Variants in CBR3 observed in about 807,000 individuals in gnomAD.
CBR3 encodes the protein carbonyl reductase [NADPH] 3.
Under a neutral mutation model 11.6 loss-of-function variants are expected in CBR3, and 14 were observed. That is an observed-to-expected ratio of 1.20 (90% CI 0.79 to 1.88). The LOEUF (loss-of-function observed/expected upper bound fraction) is 1.88, where lower values mean the gene tolerates loss of function less well. Among genes scored for constraint, CBR3 ranks in the 40% most tolerant of loss-of-function variants. CBR3 has a pLI of 0.00. For synonymous variants in CBR3, 125 were observed against 145.6 expected, an observed-to-expected ratio of 0.86 and a Z score of 1.02; for missense variants, 308 against 357.3, an observed-to-expected ratio of 0.86 and a Z score of 1.11.
At chr21:36,145,241 C>T (rs2065744824) in intron 2 of CBR3, among the ~76,000 whole-genome samples, 1 of 152,176 alleles carries the variant, frequency 6.6e-6, no homozygotes, top group African/African-American at 2.4e-5. Flanking sequence ...TGTGTTCTTC[C>T]CCTTGGGAGA....
chr21:36,146,438 T>C lies in CBR3; in HGVS notation c.760T>C (p.Leu254=), dbSNP rs778879554. The C allele has an allele frequency of 5.6e-6, 9 of 1,614,044 alleles. No individual in the cohort carries two copies. The highest frequency in any genetic ancestry group is 3.4e-6 in the Non-Finnish European group (4 of 1,180,010). ...VEEGAETPVY[L]ALLPPDATEP... is the part of the protein sequence containing the mutation. ...GGAGGGGGCTGAGACCCCTGTCTAC[T>C]TGGCCCTCTTGCCTCCAGATGCCAC... The change falls in exon 3 of 3, where the codon TTG becomes CTG. Residue 254 remains leucine (L), a synonymous_variant. Transcript: ENST00000290354.
At chr21:36,142,442 A>AAAAAAAAAAAAAAC (rs2065719996) in intron 2 of CBR3, among the ~76,000 whole-genome samples, 2 of 149,024 alleles carry the variant, frequency 1.3e-5, no homozygotes, top group South Asian at 2.1e-4. Flanking sequence ...AAAAAAAAAA[A>AAAAAAAAAAAAAAC]AAAAAACGCA....
intron 1 of CBR3, 131 bp from the exon 2 acceptor site, chr21:36,137,694 C>A (rs45562332): frequency 4.5e-4 from 280 of 622,842 alleles, no homozygotes; most frequent in Non-Finnish European, 6.5e-4. Context: ...GAATCACCGA[C>A]CTCGTTCTTA....
At chr21:36,144,320 A>G (rs907627809) in intron 2 of CBR3, among the ~76,000 whole-genome samples, 1 of 152,144 alleles carries the variant, frequency 6.6e-6, no homozygotes, top group Non-Finnish European at 1.5e-5. Context: ...TTAGCTGGGC[A>G]TGGTGGCACA....
intron 2 of CBR3, among the ~76,000 whole-genome samples, chr21:36,143,081 G>A (rs534069123): frequency 2.9e-4 from 44 of 152,286 alleles, no homozygotes; most frequent in African/African-American, 9.1e-4. Context: ...GAGGAAGGCA[G>A]AGCACCTGAG....
At chr21:36,137,552 AAGGAAG>A (rs1278815978) in intron 1 of CBR3, among the ~76,000 whole-genome samples, 2 of 132,364 alleles carry the variant, frequency 1.5e-5, no homozygotes, top group Admixed American at 7.5e-5. Flanking sequence ...GGAAGGAAGG[AAGGAAG>A]GAAAGAAAAT....
chr21:36,140,150 A>G (rs565004046), intron 2 of CBR3, among the ~76,000 whole-genome samples: 1 of 152,118 alleles, frequency 6.6e-6, no homozygotes, highest in Non-Finnish European at 1.5e-5. Flanking sequence ...TGGCCTCCCA[A>G]AATGCTAGGA....
intron 1 of CBR3, among the ~76,000 whole-genome samples, chr21:36,136,489 G>A (rs879893): frequency 0.39 from 58,868 of 151,868 alleles, 11,752 homozygotes; most frequent in South Asian, 0.5. Flanking sequence ...TCTTTGACCC[G>A]CACGGGCAAC....
intron 2 of CBR3, among the ~76,000 whole-genome samples, chr21:36,142,883 G>A (rs922833606): frequency 2.0e-5 from 3 of 152,170 alleles, no homozygotes; most frequent in African/African-American, 7.2e-5. Flanking sequence ...GGTACCTGGG[G>A]GGATGAGTGA....
In CBR3 at chr21:36,135,353, G is replaced by A. The variant is rs1431131951; in HGVS notation, c.161G>A (p.Gly54Asp). The part of the protein sequence containing the change: ...QAAVQQLQAE[G>D]LSPRFHQLDI... ...GCCGTGCAGCAGCTGCAGGCGGAGG[G>A]CCTGAGCCCGCGCTTCCACCAACTG... Residue 54 changes from glycine (G) to aspartate (D), a missense_variant, in exon 1 of 3, where the codon GGC becomes GAC. Transcript: ENST00000290354. 4 of 1,612,618 alleles carry A rather than the reference G, an allele frequency of 2.5e-6. No homozygotes were observed. In the Admixed American group the frequency reaches 5.0e-5, roughly 20 times the overall value.
chr21:36,146,157 G>A lies in CBR3; in HGVS notation c.479G>A (p.Ser160Asn). 6.2e-7 allele frequency: 1 copy of A among 1,614,028 alleles called. No homozygotes were observed. Among genetic ancestry groups the A allele is most frequent in the Non-Finnish European group, 8.5e-7 (1 of 1,179,968 alleles). The change falls in exon 3 of 3, where the codon AGT (serine) becomes AAT (asparagine). Residue 160 changes from serine to asparagine, a missense_variant. Transcript: ENST00000290354. ...GAAGATCTGCAGGAAAGGTTCCACA[G>A]TGAGACACTCACAGAAGGAGACCTG... ...CSEDLQERFHSETLTEGDLVD... is the reference protein window; with the variant it reads ...CSEDLQERFHNETLTEGDLVD...
chr21:36,146,551 GGAAT>G (rs747133285), exon 3 of CBR3: 20 of 1,484,020 alleles, frequency 1.3e-5, no homozygotes, highest in African/African-American at 2.8e-5. Flanking sequence ...AAATGTTGGT[GGAAT>G]GAATGAATGA....
rs760700887 is a variant in CBR3, at chr21:36,137,499, AAAGAAAGGAAGGAAGG to A, written c.290-322_290-307del. On this transcript the variant is annotated intron_variant, in intron 1 of 2. Transcript: ENST00000290354. ...GAGAAAGAAAGAAAGAAAAGAAAAG[AAAGAAAGGAAGGAAGG>A]AAGGAAGGAAGGAAGGAAGGAAGGA... 7.4e-3 allele frequency: 1,352 copies of A among 182,430 alleles called. 21 individuals carry two copies. Among genetic ancestry groups the A allele is most frequent in the Admixed American group, 0.011 (161 of 14,996 alleles). The allele number at this position is 182,430 out of a possible 1,614,324, so 11.3% of individuals were successfully genotyped here. A position where few individuals can be genotyped will look rare whatever the true frequency, so the allele number is the denominator to read the frequency against.
At chr21:36,136,200 G>A (rs992699409) in intron 1 of CBR3, among the ~76,000 whole-genome samples, 4 of 151,290 alleles carry the variant, frequency 2.6e-5, no homozygotes, top group African/African-American at 9.7e-5. Context: ...CGCCTGTAAT[G>A]CCAGCACTTT....
At chr21:36,144,070 G>A (rs1433187505) in intron 2 of CBR3, among the ~76,000 whole-genome samples, 1 of 152,030 alleles carries the variant, frequency 6.6e-6, no homozygotes, top group African/African-American at 2.4e-5. Context: ...AGGAAATTGA[G>A]AGCTTTAGTC....
At chr21:36,141,007 C>CAAAA (rs1217520274) in intron 2 of CBR3, among the ~76,000 whole-genome samples, 36 of 55,326 alleles carry the variant, frequency 6.5e-4, no homozygotes, top group East Asian at 9.5e-4. Flanking sequence ...CACTCCATCT[C>CAAAA]AAAAAAAAAA....
Position 36,137,804 on chromosome 21 carries a change from GT to G in CBR3, c.290-18del. On this transcript the variant is annotated intron_variant, in intron 1 of 2. Transcript: ENST00000290354. ...GGGGGAAAAATATGACTTTCTTTTTGTTTCTTTCTCTTTTTGAAAGGTGATG... is the reference window on the plus strand; with the variant it reads ...GGGGGAAAAATATGACTTTCTTTTTGTTCTTTCTCTTTTTGAAAGGTGATG... The G allele has an allele frequency of 3.6e-6, 5 of 1,407,388 alleles. No individual in the cohort carries two copies. Among genetic ancestry groups the G allele is most frequent in the Non-Finnish European group, 5.0e-6 (5 of 994,126 alleles). 87.2% of individuals were successfully genotyped at this position (1,407,388 alleles called of 1,614,324 possible). A position where few individuals can be genotyped will look rare whatever the true frequency, so the allele number is the denominator to read the frequency against.
chr21:36,139,039 C>T (rs944450054), intron 2 of CBR3, among the ~76,000 whole-genome samples: 2 of 152,078 alleles, frequency 1.3e-5, no homozygotes, highest in Non-Finnish European at 2.9e-5. Flanking sequence ...GCCACCATGC[C>T]CGAACGAGAA....
At chr21:36,140,217 A>T (rs1299582193) in intron 2 of CBR3, among the ~76,000 whole-genome samples, 1 of 152,128 alleles carries the variant, frequency 6.6e-6, no homozygotes, top group Admixed American at 6.5e-5. Context: ...AAGAAGGTGA[A>T]TGGTGAGAGT....
Sources: allele counts gnomAD v4.1 joint callset (sites outside exome capture counted in the v4.1 genomes callset), GRCh38; gene constraint gnomAD v4.1.1; transcripts MANE v1.5; gene names NCBI Gene and HGNC (gene_info 2026-07-23, HGNC 2026-07-21).